The following FOXP1 variants were observed in gnomAD, a reference collection of about 807,000 sequenced individuals.
FOXP1 encodes the protein forkhead box P1, also known as forkhead box protein P1.
A neutral mutation model predicts 98.2 loss-of-function variants in FOXP1; 15 were observed. The ratio of observed to expected loss-of-function variants is 0.15; its 90% CI spans 0.10 to 0.24. The LOEUF is 0.24. Ranked by LOEUF, FOXP1 falls within the 10% of genes least tolerant of loss-of-function variation. The pLI is 1.00. For synonymous variants in FOXP1, 371 were observed against 314.5 expected (o/e 1.18, Z -1.90); for missense variants, 633 against 848.5 (o/e 0.75, Z 3.15).
At chr3:71,530,324 C>T (rs2043735699) in intron 2 of FOXP1, among the ~76,000 whole-genome samples, 1 of 152,140 alleles carries the variant, frequency 6.6e-6, no homozygotes, top group Non-Finnish European at 1.5e-5. Context: ...CTTTTGCTCT[C>T]ATGCACACCC....
chr3:71,448,657 C>G (rs1045757439), intron 3 of FOXP1, among the ~76,000 whole-genome samples: 4 of 152,196 alleles, frequency 2.6e-5, no homozygotes, highest in Non-Finnish European at 2.9e-5. Flanking sequence ...GGGACGCATT[C>G]AAGAACACTT....
intron 18 of FOXP1, chr3:70,971,894 G>A (rs950229116): frequency 4.6e-5 from 34 of 733,796 alleles, no homozygotes; most frequent in Admixed American, 1.5e-4. Context: ...ATTTAGTTTC[G>A]TTGCAGAAAG....
intron 5 of FOXP1, among the ~76,000 whole-genome samples, chr3:71,248,587 A>G (rs2067935742): frequency 6.6e-6 from 1 of 152,078 alleles, no homozygotes; most frequent in Non-Finnish European, 1.5e-5. Context: ...CTAAAAATAC[A>G]AAAATTAGCC....
intron 3 of FOXP1, among the ~76,000 whole-genome samples, chr3:71,483,944 G>A (rs1222947139): frequency 6.6e-6 from 1 of 151,824 alleles, no homozygotes; most frequent in Non-Finnish European, 1.5e-5. Context: ...TTGTAACCGG[G>A]GCAACGACTA....
intron 3 of FOXP1, among the ~76,000 whole-genome samples, chr3:71,445,221 G>A (rs368183999): frequency 2.6e-5 from 4 of 152,252 alleles, no homozygotes; most frequent in African/African-American, 4.8e-5. Flanking sequence ...TTCACAAACC[G>A]TAAGTGGCAA....
intron 5 of FOXP1, among the ~76,000 whole-genome samples, chr3:71,260,537 A>ATTT (rs35677326): frequency 7.0e-6 from 1 of 143,160 alleles, no homozygotes; most frequent in Non-Finnish European, 1.5e-5. Flanking sequence ...ATTTCCTTTA[A>ATTT]TTTTTTTTTT....
chr3:71,300,310 G>C (rs2073737248), intron 4 of FOXP1, among the ~76,000 whole-genome samples: 1 of 152,136 alleles, frequency 6.6e-6, no homozygotes, highest in Non-Finnish European at 1.5e-5. Flanking sequence ...AGAGAGTTAG[G>C]TCTTGTAGAC....
Position 71,422,851 on chromosome 3 carries a change from TACAC to T in FOXP1, c.-167-63611_-167-63608del, listed in dbSNP as rs902399717. 4.6e-5 allele frequency among the ~76,000 whole-genome samples: 7 copies of T among 151,620 alleles called. No homozygotes were observed. In the South Asian group the frequency reaches 1.3e-3, roughly 27 times the overall value. On this transcript the variant is annotated intron_variant, in intron 3 of 20. Transcript: ENST00000649528. ...GTAAGAGTTACCTACCATTTCTGGG[TACAC>T]ACACACACAAGCGCGCACACACACA... is the stretch of plus-strand genomic sequence containing the variant.
chr3:71,356,992 G>A (rs893558009), intron 4 of FOXP1, among the ~76,000 whole-genome samples: 7 of 152,082 alleles, frequency 4.6e-5, no homozygotes, highest in African/African-American at 1.2e-4. Flanking sequence ...TACTTGTCCC[G>A]TGCACCCCAC....
intron 3 of FOXP1, among the ~76,000 whole-genome samples, chr3:71,478,634 T>C (rs9836630): frequency 0.42 from 64,478 of 152,076 alleles, 14,498 homozygotes; most frequent in Non-Finnish European, 0.48. Context: ...CCATGCGCCA[T>C]GGGAGTCAGT....
chr3:70,960,526 T>C (rs1363826650), intron 20 of FOXP1, among the ~76,000 whole-genome samples: 2 of 152,252 alleles, frequency 1.3e-5, no homozygotes, highest in Non-Finnish European at 2.9e-5. Flanking sequence ...AATGACTTTC[T>C]GTTGCAGGGG....
chr3:71,343,359 C>T (rs2077123762), intron 4 of FOXP1, among the ~76,000 whole-genome samples: 1 of 152,022 alleles, frequency 6.6e-6, no homozygotes, highest in Non-Finnish European at 1.5e-5. Context: ...TCAAATGACT[C>T]AGGTGCTACT....
chr3:71,286,093 C>G (rs931052195), intron 5 of FOXP1, among the ~76,000 whole-genome samples: 17 of 152,260 alleles, frequency 1.1e-4, no homozygotes, highest in African/African-American at 3.1e-4. Context: ...GCACTGTTAC[C>G]TAATGTCAGT....
chr3:71,505,902 T>A (rs1001888556), intron 2 of FOXP1, among the ~76,000 whole-genome samples: 23 of 152,192 alleles, frequency 1.5e-4, no homozygotes, highest in Non-Finnish European at 2.6e-4. Context: ...GCCTCTCAAA[T>A]GAAATTAAAT....
chr3:71,213,379 T>C (rs1256494639), intron 5 of FOXP1, among the ~76,000 whole-genome samples: 1 of 152,228 alleles, frequency 6.6e-6, no homozygotes, highest in Admixed American at 6.5e-5. Context: ...TAAGACCTTT[T>C]CTCATTAAGC....
chr3:71,208,605 G>A (rs1006426723), intron 5 of FOXP1, among the ~76,000 whole-genome samples: 6 of 149,496 alleles, frequency 4.0e-5, no homozygotes, highest in African/African-American at 7.4e-5. Flanking sequence ...GCTCACACCC[G>A]CAAACAAAGC....
chr3:71,367,076 C>G (rs2078975815), intron 3 of FOXP1, among the ~76,000 whole-genome samples: 1 of 152,132 alleles, frequency 6.6e-6, no homozygotes, highest in African/African-American at 2.4e-5. Context: ...ACATCTTGAT[C>G]ACAAAGTTTG....
At position 70,990,590 on chromosome 3, in the gene FOXP1, G is replaced by T. The variant is rs73118206; in HGVS notation, c.1063-2513C>A. Reference sequence around the variant, plus strand: ...ATTCCATGAAAAGCAAAGAAAAGGAGGTTGAGACATTCAATCCGAAGGCCC... The same window carrying T: ...ATTCCATGAAAAGCAAAGAAAAGGATGTTGAGACATTCAATCCGAAGGCCC... On this transcript the variant is annotated intron_variant, in intron 13 of 20. Transcript: ENST00000649528. Among the ~76,000 whole-genome samples, 868 of 152,268 alleles carry T rather than the reference G, an allele frequency of 5.7e-3. 12 individuals are homozygous for T. Among genetic ancestry groups the T allele is most frequent in the Admixed American group, 4.7e-3 (72 of 15,294 alleles).
chr3:71,134,636 A>G (rs1457804048), intron 6 of FOXP1, among the ~76,000 whole-genome samples: 1 of 152,228 alleles, frequency 6.6e-6, no homozygotes, highest in Non-Finnish European at 1.5e-5. Context: ...AAAGCCAAAG[A>G]TACACCTTGT....
Sources: allele counts gnomAD v4.1 joint callset (sites outside exome capture counted in the v4.1 genomes callset), GRCh38; gene constraint gnomAD v4.1.1; transcripts MANE v1.5; gene names NCBI Gene and HGNC (gene_info 2026-07-23, HGNC 2026-07-21).